The following SNX29 variants were observed in gnomAD, a reference collection of about 807,000 sequenced individuals.
The protein encoded by SNX29 is sorting nexin-29.
A neutral mutation model predicts 102.1 loss-of-function variants in SNX29; 78 were observed. That is an observed-to-expected ratio of 0.76 (90% CI 0.64 to 0.92). The LOEUF (loss-of-function observed/expected upper bound fraction) is 0.92, where lower values mean the gene tolerates loss of function less well. Among genes scored for constraint, SNX29 ranks in the 40% least tolerant of loss-of-function variants. The pLI, the probability that SNX29 is intolerant of heterozygous loss-of-function variation, is 0.00. For missense variants in SNX29, 1,280 were observed against 1,061.7 expected (o/e 1.21, Z -2.86); for synonymous variants, 580 against 414.5 (o/e 1.40, Z -4.85).
At chr16:12,268,543 G>C (rs1157999143) in intron 14 of SNX29, among the ~76,000 whole-genome samples, 2 of 152,148 alleles carry the variant, frequency 1.3e-5, no homozygotes, top group South Asian at 2.1e-4. Flanking sequence ...TGGGTAACCG[G>C]TGTCTTGTAG....
chr16:12,158,792 T>A (rs1269898374), intron 13 of SNX29, among the ~76,000 whole-genome samples: 5 of 152,206 alleles, frequency 3.3e-5, no homozygotes, highest in Non-Finnish European at 5.9e-5. Context: ...TCCTTATTTG[T>A]GAAATGCGGA....
intron 18 of SNX29, among the ~76,000 whole-genome samples, chr16:12,469,020 CAG>C (rs1170154034): frequency 2.6e-5 from 4 of 152,212 alleles, no homozygotes; most frequent in Non-Finnish European, 5.9e-5. Context: ...CTCCGAGACA[CAG>C]GGGCTGCTCT....
At chr16:12,292,633 G>A (rs1018226648) in intron 15 of SNX29, among the ~76,000 whole-genome samples, 1 of 152,230 alleles carries the variant, frequency 6.6e-6, no homozygotes, top group African/African-American at 2.4e-5. Context: ...AGCTTGAATG[G>A]CTTGTAGCAG....
intron 19 of SNX29, among the ~76,000 whole-genome samples, chr16:12,508,232 G>A (rs1307827811): frequency 6.6e-6 from 1 of 152,152 alleles, no homozygotes; most frequent in Non-Finnish European, 1.5e-5. Flanking sequence ...CCAGAGAATC[G>A]GCAAGGTCAC....
rs1567233025 is a variant in SNX29 at position 12,574,156 on chromosome 16, TA to T, written c.*5529del. ...AATAGGATTTTTAAACAAATGTGTT[TA>T]ATTTTTTAAGATCTCTTGTATTAAA... is the stretch of plus-strand genomic sequence containing the variant. On this transcript the variant is annotated 3_prime_UTR_variant, in exon 21 of 21. Transcript: ENST00000566228. 5.5e-6 allele frequency: 1 copy of T among 181,290 alleles called. No individual in the cohort carries two copies. 11.2% of individuals were successfully genotyped at this position (181,290 alleles called of 1,614,324 possible).
At chr16:12,437,931 C>A (rs887205794) in intron 18 of SNX29, among the ~76,000 whole-genome samples, 1 of 151,980 alleles carries the variant, frequency 6.6e-6, no homozygotes, top group East Asian at 1.9e-4. Flanking sequence ...AGGGCCCCAG[C>A]GGTCCATCTG....
chr16:12,220,198 G>C (rs977690934), intron 14 of SNX29, among the ~76,000 whole-genome samples: 1 of 152,210 alleles, frequency 6.6e-6, no homozygotes, highest in Non-Finnish European at 1.5e-5. Flanking sequence ...GGGTGCAGGT[G>C]TGGCTGGATC....
At chr16:12,466,043 C>T (rs546292878) in intron 18 of SNX29, among the ~76,000 whole-genome samples, 2 of 152,176 alleles carry the variant, frequency 1.3e-5, no homozygotes, top group South Asian at 2.1e-4. Context: ...ACATCATACT[C>T]AACAGTGAAA....
intron 14 of SNX29, among the ~76,000 whole-genome samples, chr16:12,225,897 GGCTCTCCT>G (rs1165281945): frequency 1.3e-5 from 2 of 152,156 alleles, no homozygotes; most frequent in East Asian, 3.8e-4. Context: ...TTACTGAAGA[GGCTCTCCT>G]GCCTTTTAAC....
intron 1 of SNX29, among the ~76,000 whole-genome samples, chr16:11,991,588 G>T (rs990474289): frequency 1.3e-5 from 2 of 151,846 alleles, no homozygotes; most frequent in Non-Finnish European, 2.9e-5. Flanking sequence ...TGTCGCCCAG[G>T]CTGGAGTGCA....
chr16:12,540,047 T>A (rs2077258574), intron 20 of SNX29, among the ~76,000 whole-genome samples: 2 of 152,246 alleles, frequency 1.3e-5, no homozygotes, highest in Admixed American at 6.5e-5. Flanking sequence ...ATTTACTTTT[T>A]GTGTCCCAGA....
At chr16:12,433,626 G>A (rs1376862215) in intron 18 of SNX29, among the ~76,000 whole-genome samples, 17 of 109,466 alleles carry the variant, frequency 1.6e-4, no homozygotes, top group African/African-American at 5.1e-4. Flanking sequence ...GCAAGACTGC[G>A]TCTCAAAAAA....
chr16:12,220,679 T>C (rs1002292514), intron 14 of SNX29, among the ~76,000 whole-genome samples: 12 of 152,262 alleles, frequency 7.9e-5, no homozygotes, highest in African/African-American at 2.9e-4. Flanking sequence ...TATTTTTCTT[T>C]TCTTTTCCTT....
chr16:12,115,018 G>A (rs911752777), intron 11 of SNX29, among the ~76,000 whole-genome samples: 2 of 152,138 alleles, frequency 1.3e-5, no homozygotes, highest in Admixed American at 1.3e-4. Context: ...ACTTCTCTCG[G>A]TCTTTCCATC....
At chr16:12,051,520 A>C (rs2050302365) in intron 7 of SNX29, among the ~76,000 whole-genome samples, 1 of 152,186 alleles carries the variant, frequency 6.6e-6, no homozygotes, top group Non-Finnish European at 1.5e-5. Flanking sequence ...CTCATCTACC[A>C]GCTATGAGAA....
In SNX29 at chr16:12,569,927, G is replaced by GAC. The variant is rs1242332511; in HGVS notation, c.*1299_*1300insCA. On this transcript the variant is annotated 3_prime_UTR_variant, in exon 21 of 21. Coordinates refer to ENST00000566228, the MANE Select transcript of SNX29 (RefSeq NM_032167.5). ...AGGCAGAGACACAGCAGAACCTGAG[G>GAC]AGAAAAGCAGGTGGAAGGTGACGGT... 4.3e-6 allele frequency: 1 copy of GAC among 232,740 alleles called. No individual in the cohort carries two copies. The highest frequency in any genetic ancestry group is 8.5e-6 in the Non-Finnish European group (1 of 117,904). 14.4% of individuals were successfully genotyped at this position (232,740 alleles called of 1,614,324 possible).
At chr16:12,566,058 C>A (rs2078991218) in intron 20 of SNX29, among the ~76,000 whole-genome samples, 2 of 152,220 alleles carry the variant, frequency 1.3e-5, no homozygotes, top group East Asian at 1.9e-4. Context: ...TCACTGTTGC[C>A]CATTGTCTCT....
At chr16:11,996,057 C>T (rs1196265910) in intron 1 of SNX29, among the ~76,000 whole-genome samples, 2 of 147,470 alleles carry the variant, frequency 1.4e-5, no homozygotes, top group Non-Finnish European at 3.0e-5. Flanking sequence ...AACACTCCGT[C>T]TCAGAAAAAA....
intron 13 of SNX29, among the ~76,000 whole-genome samples, chr16:12,179,184 T>C (rs1440170357): frequency 1.3e-5 from 2 of 152,148 alleles, no homozygotes; most frequent in Non-Finnish European, 2.9e-5. Flanking sequence ...CAAGAACATA[T>C]AAAAATATTG....
Sources: gnomAD v4.1 joint callset for allele counts (sites outside exome capture counted in the v4.1 genomes callset) on GRCh38, gnomAD v4.1.1 for gene constraint, MANE v1.5 for transcripts, NCBI Gene and HGNC (gene_info 2026-07-23, HGNC 2026-07-21) for gene names.